PLCB4: variants seen among roughly 807,000 people sequenced by gnomAD.
PLCB4 encodes the protein phospholipase C beta 4, also known as 1-phosphatidylinositol 4,5-bisphosphate phosphodiesterase beta-4.
Under a neutral mutation model 178.8 loss-of-function variants are expected in PLCB4, and 77 were observed. The ratio of observed to expected loss-of-function variants is 0.43; its 90% confidence interval spans 0.36 to 0.52. PLCB4 has a LOEUF of 0.52. Ranked by LOEUF, PLCB4 falls within the 20% of genes least tolerant of loss-of-function variation. The probability of loss-of-function intolerance (pLI) is 0.00; values close to 1 mark genes in which losing one functional copy is unlikely to be tolerated. For missense variants in PLCB4, 1,024 were observed against 1,453.4 expected, an observed-to-expected ratio of 0.70 and a Z score of 4.80; for synonymous variants, 496 against 490.8, an observed-to-expected ratio of 1.01 and a Z score of -0.14.
At chr20:9,352,611 A>C (rs1242892899) in intron 7 of PLCB4, among the ~76,000 whole-genome samples, 1 of 152,214 alleles carries the variant, frequency 6.6e-6, no homozygotes, top group Admixed American at 6.5e-5. Context: ...CAAGGCTGAT[A>C]GACTGTTTTG....
chr20:9,282,598 A>T (rs554304557), intron 3 of PLCB4, among the ~76,000 whole-genome samples: 1 of 152,094 alleles, frequency 6.6e-6, no homozygotes, highest in South Asian at 2.1e-4. Context: ...CCACTTACTC[A>T]CTAGAGCCTC....
chr20:9,303,218 A>G lies in PLCB4; in HGVS notation c.-15-4582A>G, dbSNP rs73897355. 4.3e-3 allele frequency among the ~76,000 whole-genome samples: 660 copies of G among 152,276 alleles called. 5 individuals carry two copies. The highest frequency in any genetic ancestry group is 0.015 in the African/African-American group (635 of 41,560). ...TTTCTAAGCTTCTTGGGTAGAAGCT[A>G]TGTGGTTATGTGTGTACATACATGC... is the stretch of plus-strand genomic sequence containing the variant. On this transcript the variant is annotated intron_variant, in intron 3 of 39. Coordinates refer to ENST00000378473, the MANE Select transcript of PLCB4 (RefSeq NM_001377142.1).
chr20:9,256,938 G>A (rs191843674), intron 3 of PLCB4, among the ~76,000 whole-genome samples: 5 of 152,240 alleles, frequency 3.3e-5, no homozygotes, highest in Admixed American at 1.3e-4. Context: ...TAAATGGAAG[G>A]CAACTTGCAC....
chr20:9,457,287 C>T (rs2043113368), intron 33 of PLCB4, 127 bp from the exon 34 acceptor site: 1 of 653,280 alleles, frequency 1.5e-6, no homozygotes, highest in Non-Finnish European at 2.8e-6. Context: ...ACCAGTGTTG[C>T]CCAATGAGCC....
intron 25 of PLCB4, among the ~76,000 whole-genome samples, chr20:9,412,099 C>G (rs1396870135): frequency 6.6e-6 from 1 of 152,136 alleles, no homozygotes; most frequent in East Asian, 1.9e-4. Flanking sequence ...TGGAGCATGC[C>G]CTACATTTTC....
At chr20:9,074,806 T>TAAACAAAACAAAAC (rs1568699525) in intron 1 of PLCB4, among the ~76,000 whole-genome samples, 11 of 100,388 alleles carry the variant, frequency 1.1e-4, no homozygotes, top group South Asian at 4.1e-4. Context: ...TTTTTTTTTT[T>TAAACAAAACAAAAC]TAAACAAAAC....
At chr20:9,412,092 A>G (rs1163995178) in intron 25 of PLCB4, among the ~76,000 whole-genome samples, 2 of 152,254 alleles carry the variant, frequency 1.3e-5, no homozygotes, top group Non-Finnish European at 2.9e-5. Flanking sequence ...ACATACCTGG[A>G]GCATGCCCTA....
chr20:9,464,142 A>G (rs1288870746), intron 35 of PLCB4, among the ~76,000 whole-genome samples: 1 of 152,226 alleles, frequency 6.6e-6, no homozygotes, highest in Non-Finnish European at 1.5e-5. Context: ...AAACTGCAAA[A>G]CTACATGGAA....
In PLCB4 at chr20:9,212,069, C is replaced by T. The variant is rs531426616; in HGVS notation, c.-78-5321C>T. ...CATTTCTCTATCTTTTGAATGTGGG[C>T]TTGACCATGTAACTAGTTTTGCCAA... is the stretch of plus-strand genomic sequence containing the variant. On this transcript the variant is annotated intron_variant, in intron 2 of 39. Coordinates refer to ENST00000378473, the MANE Select transcript of PLCB4 (RefSeq NM_001377142.1). Among the ~76,000 whole-genome samples, 5 of 152,294 alleles carry T rather than the reference C, an allele frequency of 3.3e-5. No homozygotes were observed. The East Asian group carries it at 9.6e-4, about 29-fold the overall frequency.
At chr20:9,221,545 G>A (rs1385167700) in intron 3 of PLCB4, among the ~76,000 whole-genome samples, 3 of 152,154 alleles carry the variant, frequency 2.0e-5, no homozygotes, top group Non-Finnish European at 2.9e-5. Flanking sequence ...TCACTCCTGC[G>A]GGCACATTTT....
rs141572862 is a variant in PLCB4 at position 9,329,244 on chromosome 20, G to A, written c.85-7882G>A. On this transcript the variant is annotated intron_variant, in intron 4 of 39. Transcript: ENST00000378473. ...CTTGTTTATCTATGTCTGTAGCTCG[G>A]TTTTTCAGGCTGCTCTTTGTTAGAA... Among the ~76,000 whole-genome samples, 66 of 152,266 alleles carry A rather than the reference G, an allele frequency of 4.3e-4. 1 individual carries two copies. The East Asian group carries it at 0.012, about 28-fold the overall frequency.
At chr20:9,249,585 A>T (rs928731337) in intron 3 of PLCB4, among the ~76,000 whole-genome samples, 1 of 152,116 alleles carries the variant, frequency 6.6e-6, no homozygotes, top group Non-Finnish European at 1.5e-5. Context: ...GATTACAGGC[A>T]TGAGCCACCA....
chr20:9,139,866 C>T (rs2146862696), intron 2 of PLCB4, among the ~76,000 whole-genome samples: 1 of 152,218 alleles, frequency 6.6e-6, no homozygotes, highest in Middle Eastern at 3.4e-3. Flanking sequence ...TGCTGACCAT[C>T]CAGTCACCTG....
intron 2 of PLCB4, among the ~76,000 whole-genome samples, chr20:9,133,276 T>G (rs1487990142): frequency 6.6e-6 from 1 of 152,136 alleles, no homozygotes; most frequent in Non-Finnish European, 1.5e-5. Flanking sequence ...TACTTTTTTT[T>G]GTTGTTGTTG....
intron 18 of PLCB4, 114 bp from the exon 19 acceptor site, chr20:9,395,409 T>C: frequency 2.8e-6 from 2 of 713,868 alleles, no homozygotes; most frequent in East Asian, 2.6e-5. Flanking sequence ...CCTTGGTGCC[T>C]GAACATTCTA....
chr20:9,306,157 T>G (rs2094762923), intron 3 of PLCB4, among the ~76,000 whole-genome samples: 1 of 152,166 alleles, frequency 6.6e-6, no homozygotes, highest in Non-Finnish European at 1.5e-5. Flanking sequence ...CAGGCTGGAG[T>G]GCAGTGATGC....
At chr20:9,276,937 TAAAAGA>T (rs746508323) in intron 3 of PLCB4, among the ~76,000 whole-genome samples, 15 of 151,944 alleles carry the variant, frequency 9.9e-5, no homozygotes, top group Admixed American at 2.0e-4. Context: ...ATCTTGTCTC[TAAAAGA>T]AAAAGAAAAA....
chr20:9,186,305 A>T (rs1480974955), intron 2 of PLCB4, among the ~76,000 whole-genome samples: 1 of 152,234 alleles, frequency 6.6e-6, no homozygotes, highest in East Asian at 1.9e-4. Flanking sequence ...TTTAAAAAAT[A>T]GTATTTGTCA....
intron 9 of PLCB4, among the ~76,000 whole-genome samples, chr20:9,366,807 T>C (rs1336429856): frequency 6.6e-6 from 1 of 152,222 alleles, no homozygotes; most frequent in Non-Finnish European, 1.5e-5. Context: ...AACTCTCTCT[T>C]CCAGGGTTCT....
Sources: allele counts gnomAD v4.1 joint callset (sites outside exome capture counted in the v4.1 genomes callset), GRCh38; gene constraint gnomAD v4.1.1; transcripts MANE v1.5; gene names NCBI Gene and HGNC (gene_info 2026-07-23, HGNC 2026-07-21).